ANKDD1A: variants seen among roughly 807,000 people sequenced by gnomAD.
ANKDD1A encodes the protein ankyrin repeat and death domain-containing protein 1A.
A neutral mutation model predicts 63.5 loss-of-function variants in ANKDD1A; 59 were observed. That is an observed-to-expected ratio of 0.93 (90% confidence interval 0.75 to 1.15). The LOEUF (loss-of-function observed/expected upper bound fraction) is 1.15, where lower values mean the gene tolerates loss of function less well. Among genes scored for constraint, ANKDD1A ranks in the 50% most tolerant of loss-of-function variants. ANKDD1A has a pLI of 0.00. For synonymous variants in ANKDD1A, 266 were observed against 263.9 expected, an observed-to-expected ratio of 1.01 and a Z score of -0.08; for missense variants, 632 against 656.4, an observed-to-expected ratio of 0.96 and a Z score of 0.41.
chr15:64,953,022 TCTC>T lies in ANKDD1A; in HGVS notation c.1483+3056_1483+3058del, dbSNP rs529689500. On this transcript the variant is annotated intron_variant, in intron 14 of 14. Coordinates refer to ENST00000319580, the MANE Select transcript of ANKDD1A (RefSeq NM_182703.6). The stretch of plus-strand genomic sequence containing the variant: ...CTTAGTTCTTTCTTCTCCTTGTTCT[TCTC>T]CTCCTTCTTCCTTTCTTCTTTCCTC... Among the ~76,000 whole-genome samples the T allele has an allele frequency of 2.0e-3, 267 of 131,060 alleles. 6 individuals are homozygous for T. Among genetic ancestry groups the T allele is most frequent in the South Asian group, 0.01 (42 of 4,028 alleles). 86.0% of individuals were successfully genotyped at this position (131,060 alleles called of 152,430 possible).
In ANKDD1A at chr15:64,935,536, T is replaced by G. The variant is rs530919226; in HGVS notation, c.867+1302T>G. Among the ~76,000 whole-genome samples, 5 of 151,976 alleles carry G rather than the reference T, an allele frequency of 3.3e-5. No homozygotes were observed. In the South Asian group the frequency reaches 1.0e-3, roughly 32 times the overall value. On this transcript the variant is annotated intron_variant, in intron 9 of 14. Coordinates refer to ENST00000319580, the MANE Select transcript of ANKDD1A (RefSeq NM_182703.6). ...TAAAAATACAAAAAATTAGCCGGGC[T>G]TTGTGTCAGGCGCCTGTAGTCCCAG...
At chr15:64,942,672 C>CTTT (rs3057944) in intron 10 of ANKDD1A, 107 bp downstream of exon 10, 516 of 474,726 alleles carry the variant, frequency 1.1e-3, no homozygotes, top group South Asian at 2.7e-3. Flanking sequence ...TGAGGAATCA[C>CTTT]TTTTTTTTTT....
intron 3 of ANKDD1A, 127 bp downstream of exon 3, chr15:64,917,641 A>G (rs918567687): frequency 1.0e-5 from 14 of 1,391,010 alleles, no homozygotes; most frequent in Non-Finnish European, 1.2e-5. Flanking sequence ...GTGGGGAGTC[A>G]GAGGCTTCAG....
At chr15:64,926,879 C>T (rs2140369533) in intron 5 of ANKDD1A, 22 bp from the exon 6 acceptor site, 1 of 1,613,564 alleles carries the variant, frequency 6.2e-7, no homozygotes. Context: ...GGAAGGCTCA[C>T]ACCGCTTCTC....
In ANKDD1A at chr15:64,929,605, C is replaced by G. The variant is rs561116896; in HGVS notation, c.571-1217C>G. Among the ~76,000 whole-genome samples, 3 of 152,330 alleles carry G rather than the reference C, an allele frequency of 2.0e-5. No individual in the cohort carries two copies. The East Asian group carries it at 5.8e-4, about 29-fold the overall frequency. ...TATGTCACTGTCACCTTTAGACTTT[C>G]CAAGTGCAAAGCAACTACCAGTCCT... On this transcript the variant is annotated intron_variant, in intron 6 of 14. Coordinates refer to ENST00000319580, the MANE Select transcript of ANKDD1A (RefSeq NM_182703.6).
chr15:64,944,610 C>T (rs933203040), intron 11 of ANKDD1A, 42 bp from the exon 12 acceptor site: 2 of 1,584,422 alleles, frequency 1.3e-6, no homozygotes, highest in South Asian at 2.3e-5. Flanking sequence ...GTGTACCCCT[C>T]CTGTAGAAAC....
At chr15:64,931,625 G>A (rs1453248061) in intron 8 of ANKDD1A, 40 bp downstream of exon 8, 1 of 1,598,904 alleles carries the variant, frequency 6.3e-7, no homozygotes, top group Middle Eastern at 1.7e-4. Flanking sequence ...GCTCTTGGCT[G>A]CTGAGCCATA....
intron 8 of ANKDD1A, among the ~76,000 whole-genome samples, chr15:64,933,631 C>G (rs1191221142): frequency 6.6e-6 from 1 of 152,194 alleles, no homozygotes; most frequent in East Asian, 1.9e-4. Flanking sequence ...ATCACAAGAT[C>G]AGGAGTTCAA....
chr15:64,943,219 C>G, intron 10 of ANKDD1A: 6 of 380,420 alleles, frequency 1.6e-5, no homozygotes, highest in Non-Finnish European at 2.8e-5. Flanking sequence ...ATGGCACAGA[C>G]AAAAATAGGC....
rs1225390391 is a variant in ANKDD1A, at chr15:64,953,465, T to C, written c.1483+3493T>C. Among the ~76,000 whole-genome samples, 59 of 90,970 alleles carry C rather than the reference T, an allele frequency of 6.5e-4. 1 individual carries two copies. In the Middle Eastern group the frequency reaches 0.017, roughly 27 times the overall value. 59.7% of individuals were successfully genotyped at this position (90,970 alleles called of 152,430 possible). A position where few individuals can be genotyped will look rare whatever the true frequency, so the allele number is the denominator to read the frequency against. ...CTTTTCTTCTTTCTTCTCTCCTTCT[T>C]CTTCTTCCTCTTCCTTCTCCTTCTT... On this transcript the variant is annotated intron_variant, in intron 14 of 14. Coordinates refer to ENST00000319580, the MANE Select transcript of ANKDD1A (RefSeq NM_182703.6).
intron 14 of ANKDD1A, among the ~76,000 whole-genome samples, chr15:64,954,880 T>TCTC (rs1301339575): frequency 5.0e-5 from 7 of 139,828 alleles, no homozygotes; most frequent in East Asian, 2.2e-4. Flanking sequence ...TCTTCTTCCT[T>TCTC]CTCCTCCTCC....
At chr15:64,953,670 CCTTCTTTT>C (rs1269842287) in intron 14 of ANKDD1A, among the ~76,000 whole-genome samples, 2 of 36,648 alleles carry the variant, frequency 5.5e-5, no homozygotes, top group African/African-American at 1.4e-4. Context: ...TCTTTCTTCT[CCTTCTTTT>C]CTTCTCCTTC....
At chr15:64,921,748 A>C (rs1382306132) in intron 3 of ANKDD1A, among the ~76,000 whole-genome samples, 173 bp from the exon 4 acceptor site, 1 of 148,068 alleles carries the variant, frequency 6.8e-6, no homozygotes, top group Non-Finnish European at 1.5e-5. Context: ...ATCAGCCTCT[A>C]TTTAAAAAAA....
At chr15:64,947,696 A>G (rs1395024785) in intron 13 of ANKDD1A, 103 bp downstream of exon 13, 2 of 1,397,380 alleles carry the variant, frequency 1.4e-6, no homozygotes, top group Non-Finnish European at 1.9e-6. Context: ...GGCCTGTGCA[A>G]CCCACAGCCT....
chr15:64,918,953 C>CAA (rs941866363), intron 3 of ANKDD1A, among the ~76,000 whole-genome samples: 44 of 132,346 alleles, frequency 3.3e-4, no homozygotes, highest in African/African-American at 1.1e-3. Context: ...GACTCTGTCT[C>CAA]AAAAAAAAAA....
intron 2 of ANKDD1A, among the ~76,000 whole-genome samples, chr15:64,916,753 C>T (rs1424883589): frequency 6.6e-6 from 1 of 152,216 alleles, no homozygotes; most frequent in South Asian, 2.1e-4. Flanking sequence ...TGCCTGAGAC[C>T]ACAGAGAAAA....
At chr15:64,927,999 T>C (rs2085060641) in intron 6 of ANKDD1A, among the ~76,000 whole-genome samples, 1 of 152,228 alleles carries the variant, frequency 6.6e-6, no homozygotes, top group South Asian at 2.1e-4. Flanking sequence ...GAGGGAGTTC[T>C]GTGTAAAATG....
chr15:64,954,730 T>TC (rs2085396354), intron 14 of ANKDD1A, among the ~76,000 whole-genome samples: 22 of 44,890 alleles, frequency 4.9e-4, no homozygotes, highest in East Asian at 4.2e-3. Context: ...TCCTCCTCCT[T>TC]CTTCTTCCTT....
chr15:64,936,560 C>G (rs1461778898), intron 9 of ANKDD1A, among the ~76,000 whole-genome samples: 1 of 152,114 alleles, frequency 6.6e-6, no homozygotes, highest in Admixed American at 6.5e-5. Context: ...AAGGCGTTGC[C>G]AGGTGCAGTG....
Sources: gnomAD v4.1 joint callset for allele counts (sites outside exome capture counted in the v4.1 genomes callset) on GRCh38, gnomAD v4.1.1 for gene constraint, MANE v1.5 for transcripts, NCBI Gene and HGNC (gene_info 2026-07-23, HGNC 2026-07-21) for gene names.